OR10H1: variants seen among roughly 807,000 people sequenced by gnomAD.
OR10H1 encodes the protein olfactory receptor family 10 subfamily H member 1.
A neutral mutation model predicts 13.1 loss-of-function variants in OR10H1; 12 were observed. That is an observed-to-expected ratio of 0.92 (90% CI 0.59 to 1.48). The LOEUF is 1.48. Ranked by LOEUF, OR10H1 falls within the 40% of genes most tolerant of loss-of-function variation. The probability of loss-of-function intolerance (pLI) is 0.00; values close to 1 mark genes in which losing one functional copy is unlikely to be tolerated. For missense variants in OR10H1, 363 were observed against 413.1 expected, an observed-to-expected ratio of 0.88 and a Z score of 1.05; for synonymous variants, 168 against 175.6, an observed-to-expected ratio of 0.96 and a Z score of 0.34.
chr19:15,812,253 G>A lies in OR10H1; in HGVS notation c.-152C>T, dbSNP rs977491855. The A allele has an allele frequency of 6.6e-6, 1 of 152,086 alleles. No homozygotes were observed. Among genetic ancestry groups the A allele is most frequent in the Non-Finnish European group, 1.5e-5 (1 of 68,112 alleles). The allele number at this position is 152,086 out of a possible 1,614,324, so 9.4% of individuals were successfully genotyped here. On this transcript the variant is annotated 5_prime_UTR_variant, in exon 2 of 4. Transcript: ENST00000641419. ...ACCAGTTGCTGGTGGCTGTTTCAAA[G>A]GCCACTAGGAGATGCTGCTTCCCCA...
In OR10H1 at chr19:15,807,045, C is replaced by T. The variant is rs376068375; in HGVS notation, c.*36G>A. On this transcript the variant is annotated 3_prime_UTR_variant, in exon 4 of 4. Transcript: ENST00000641419. ...GAACGTAATTTTTAACAATAGCCTTCGGTAATCCAATTTAGTTGTTCCCAG... is the reference window on the plus strand; with the variant it reads ...GAACGTAATTTTTAACAATAGCCTTTGGTAATCCAATTTAGTTGTTCCCAG... 206 of 1,571,474 alleles carry T rather than the reference C, an allele frequency of 1.3e-4. 1 individual carries two copies. Among genetic ancestry groups the T allele is most frequent in the Non-Finnish European group, 1.7e-4 (190 of 1,150,096 alleles).
intron 1 of OR10H1, among the ~76,000 whole-genome samples, chr19:15,814,466 TGTGTGTGTGTGTGTGAGAGAGAGAGAGA>T (rs1184734093): frequency 9.8e-5 from 9 of 92,052 alleles, no homozygotes; most frequent in African/African-American, 3.2e-4. Flanking sequence ...TGTGTGTGTG[TGTGTGTGTGTGTGTGAGAGAGAGAGAGA>T]GAGAGAGAGA....
Position 15,807,751 on chromosome 19 carries a change from G to A in OR10H1, c.287C>T (p.Ala96Val), listed in dbSNP as rs2088909499. The A allele has an allele frequency of 1.9e-6, 3 of 1,611,560 alleles. No homozygotes were observed. The East Asian group carries it at 6.7e-5, about 36-fold the overall frequency. Residue 96 changes from alanine (A) to valine (V), a missense_variant, in exon 4 of 4, where the codon GCC (alanine) becomes GTC (valine). Ala to Val is a moderately conservative substitution (Grantham distance 64, BLOSUM62 0). Around this residue, in one of 3 missense-constraint regions of OR10H1, gnomAD observed 318 missense variants for 366.6 expected, o/e 0.87. Coordinates refer to ENST00000641419, the MANE Select transcript of OR10H1 (RefSeq NM_013940.4). The stretch of plus-strand genomic sequence containing the variant: ...GGAGAAGAACATCTGACTGGCACAG[G>A]CCAGGAAGGCGATGGAGCGCTGGGT... ...LSTQRSIAFLACASQMFFSFS... is the reference protein window; with the variant it reads ...LSTQRSIAFLVCASQMFFSFS...
chr19:15,804,895 C>A lies in OR10H1; in HGVS notation c.*2186G>T, dbSNP rs2144937685. On this transcript the variant is annotated 3_prime_UTR_variant, in exon 4 of 4. Transcript: ENST00000641419. Reference sequence around the variant, plus strand: ...CTCTCCAGCACCTGTTGTTTCCTGACTTTTTAGTGATTGCCATTCTAACTG... The same window carrying A: ...CTCTCCAGCACCTGTTGTTTCCTGAATTTTTAGTGATTGCCATTCTAACTG... 1 of 152,302 alleles carries A rather than the reference C, an allele frequency of 6.6e-6. No individual in the cohort carries two copies. Among genetic ancestry groups the A allele is most frequent in the East Asian group, 1.9e-4 (1 of 5,186 alleles). The allele number at this position is 152,302 out of a possible 1,614,324, so 9.4% of individuals were successfully genotyped here.
At position 15,807,608 on chromosome 19, in the gene OR10H1, G is replaced by C. The variant is rs1235227209; in HGVS notation, c.430C>G (p.Leu144Val). The C allele has an allele frequency of 6.2e-7, 1 of 1,614,220 alleles. No individual in the cohort carries two copies. The highest frequency in any genetic ancestry group is 1.7e-5 in the Admixed American group (1 of 60,024). The change falls in exon 4 of 4, where the codon CTG becomes GTG. Residue 144 changes from leucine to valine, a missense_variant. Coordinates refer to ENST00000641419, the MANE Select transcript of OR10H1 (RefSeq NM_013940.4). ...CCACCAGCCCAGGAGCAGCCCACCAGGCAGGCGCAGCCCCGCGGGCTCATG... is the reference window on the plus strand; with the variant it reads ...CCACCAGCCCAGGAGCAGCCCACCACGCAGGCGCAGCCCCGCGGGCTCATG... Reference protein sequence around the residue: ...VLMSPRGCACLVGCSWAGGLV... With the variant: ...VLMSPRGCACVVGCSWAGGLV...
intron 1 of OR10H1, among the ~76,000 whole-genome samples, chr19:15,814,480 T>TGAGAGAGA (rs58307648): frequency 5.9e-5 from 4 of 67,966 alleles, no homozygotes; most frequent in East Asian, 5.6e-4. Context: ...TGTGTGTGTG[T>TGAGAGAGA]GAGAGAGAGA....
At chr19:15,809,781 CTATG>C (rs1173625714) in intron 2 of OR10H1, among the ~76,000 whole-genome samples, 2 of 151,772 alleles carry the variant, frequency 1.3e-5, no homozygotes, top group Non-Finnish European at 2.9e-5. Context: ...CATGAGATTT[CTATG>C]TGTCTTTATG....
Position 15,807,473 on chromosome 19 carries a change from A to G in OR10H1, c.565T>C (p.Cys189Arg). 6.2e-7 allele frequency: 1 copy of G among 1,614,238 alleles called. No homozygotes were observed. Among genetic ancestry groups the G allele is most frequent in the Non-Finnish European group, 8.5e-7 (1 of 1,180,042 alleles). Residue 189 changes from cysteine (C) to arginine (R), a missense_variant, in exon 4 of 4, where the codon TGT becomes CGT. Physicochemically the swap from Cys to Arg is radical, Grantham distance 180. This residue lies in a region of OR10H1 where 318 missense variants were observed against 366.6 expected (regional missense o/e 0.87). Transcript: ENST00000641419. ...CHVPPLLKLACGDDVLVVAKG... is the reference protein window; with the variant it reads ...CHVPPLLKLARGDDVLVVAKG... ...GCCACCACCAGCACATCGTCTCCAC[A>G]GGCCAACTTCAACAGAGGTGGCACA...
chr19:15,810,499 G>T lies in OR10H1; in HGVS notation c.-128-1658C>A, dbSNP rs2088927246. On this transcript the variant is annotated intron_variant, in intron 2 of 3. Coordinates refer to ENST00000641419, the MANE Select transcript of OR10H1 (RefSeq NM_013940.4). ...TTAAAACACCACAGCATGCGTCTGA[G>T]CTTTATTCCTGTTTATGGCTGAACG... 4.6e-5 allele frequency among the ~76,000 whole-genome samples: 7 copies of T among 151,994 alleles called. No homozygotes were observed. The South Asian group carries it at 1.5e-3, about 32-fold the overall frequency.
chr19:15,808,008 G>T lies in OR10H1; in HGVS notation c.30C>A (p.Thr10=), dbSNP rs773815107. 6.2e-7 allele frequency: 1 copy of T among 1,613,988 alleles called. No individual in the cohort carries two copies. The highest frequency in any genetic ancestry group is 1.3e-5 in the African/African-American group (1 of 75,038). The change falls in exon 4 of 4, where the codon ACC becomes ACA. Residue 10 remains threonine, a synonymous_variant. Coordinates refer to ENST00000641419, the MANE Select transcript of OR10H1 (RefSeq NM_013940.4). ...CAGAGAAGCCGACGAGGATGAATTG[G>T]GTCACTGTGGAGTGATTGGCTCTCT... MQRANHSTV[T]QFILVGFSVF...
chr19:15,807,152 T>C lies in OR10H1; in HGVS notation c.886A>G (p.Lys296Glu). Reference protein sequence around the residue: ...LSPIIFSLRNKELKVAMKKTF... With the variant: ...LSPIIFSLRNEELKVAMKKTF... ...TTCTTCATGGCGACCTTCAGCTCCT[T>C]GTTCCTGAGGCTGAAGATGATGGGG... Residue 296 changes from lysine (K) to glutamate (E), a missense_variant, in exon 4 of 4, where the codon AAG (lysine) becomes GAG (glutamate). By Grantham distance (56) the Lys-to-Glu change is moderately conservative. Transcript: ENST00000641419. 1.2e-6 allele frequency: 2 copies of C among 1,614,172 alleles called. No individual in the cohort carries two copies. Among genetic ancestry groups the C allele is most frequent in the Non-Finnish European group, 1.7e-6 (2 of 1,180,030 alleles).
intron 2 of OR10H1, among the ~76,000 whole-genome samples, chr19:15,809,797 A>G (rs998699275): frequency 6.7e-6 from 1 of 149,904 alleles, no homozygotes; most frequent in Non-Finnish European, 1.5e-5. Flanking sequence ...GTCTTTATGA[A>G]ACAATTAAAT....
intron 1 of OR10H1, among the ~76,000 whole-genome samples, chr19:15,814,634 T>C (rs1439423381): frequency 7.2e-6 from 1 of 139,468 alleles, no homozygotes; most frequent in Non-Finnish European, 1.6e-5. Context: ...CACCTCAATC[T>C]CTGGAGTAGC....
At position 15,807,997 on chromosome 19, in the gene OR10H1, A is replaced by C; in HGVS notation, c.41T>G (p.Leu14Arg). 2 of 1,614,130 alleles carry C rather than the reference A, an allele frequency of 1.2e-6. No individual in the cohort carries two copies. Among genetic ancestry groups the C allele is most frequent in the Non-Finnish European group, 1.7e-6 (2 of 1,180,010 alleles). Residue 14 changes from leucine to arginine, a missense_variant, in exon 4 of 4, where the codon CTC becomes CGC. Leu to Arg is a moderately radical substitution (Grantham distance 102, BLOSUM62 -2). Around this residue, in one of 3 missense-constraint regions of OR10H1, gnomAD observed 318 missense variants for 366.6 expected, o/e 0.87. Transcript: ENST00000641419. ...GTGGGGGAAGACAGAGAAGCCGACGAGGATGAATTGGGTCACTGTGGAGTG... is the reference window on the plus strand; with the variant it reads ...GTGGGGGAAGACAGAGAAGCCGACGCGGATGAATTGGGTCACTGTGGAGTG... ...ANHSTVTQFI[L>R]VGFSVFPHLQ...
At chr19:15,808,132 G>C in intron 3 of OR10H1, 84 bp from the exon 4 acceptor site, 1 of 1,109,806 alleles carries the variant, frequency 9.0e-7, no homozygotes, top group East Asian at 2.4e-5. Context: ...TTGCCCAAGG[G>C]ACTGCTCTTG....
intron 1 of OR10H1, among the ~76,000 whole-genome samples, chr19:15,813,474 AAGAGAGAGAGAGAG>A (rs57320070): frequency 7.2e-6 from 1 of 138,864 alleles, no homozygotes; most frequent in South Asian, 2.4e-4. Context: ...GAGGCAGGGG[AAGAGAGAGAGAGAG>A]AGAGAGAGAG....
rs2088891061 is a variant in OR10H1, at chr19:15,805,468, G to A, written c.*1613C>T. 9.3e-6 allele frequency: 1 copy of A among 107,302 alleles called. No homozygotes were observed. The allele number at this position is 107,302 out of a possible 1,614,324, so 6.6% of individuals were successfully genotyped here. On this transcript the variant is annotated 3_prime_UTR_variant, in exon 4 of 4. Coordinates refer to ENST00000641419, the MANE Select transcript of OR10H1 (RefSeq NM_013940.4). The stretch of plus-strand genomic sequence containing the variant: ...TTTTTTTTTTTTTTTTTTTTTTTGA[G>A]ATGGAGTCTCAGTCTGTCACCCAGG...
In OR10H1 at chr19:15,808,068, G is replaced by C. The variant is rs923806795; in HGVS notation, c.-11-20C>G. ...CTGTGCCTGGGGTGAGATGTGACAG[G>C]GAGATGTCAGTTACTGCATGAAGAA... is the stretch of plus-strand genomic sequence containing the variant. On this transcript the variant is annotated intron_variant, in intron 3 of 3. Coordinates refer to ENST00000641419, the MANE Select transcript of OR10H1 (RefSeq NM_013940.4). 1 of 1,570,732 alleles carries C rather than the reference G, an allele frequency of 6.4e-7. No individual in the cohort carries two copies. Among genetic ancestry groups the C allele is most frequent in the African/African-American group, 1.3e-5 (1 of 74,308 alleles).
Position 15,812,675 on chromosome 19 carries a change from GGAAGGAGAGTGAGGGAGGAAA to G in OR10H1, c.-595_-575del, listed in dbSNP as rs2088940643. 8 of 149,800 alleles carry G rather than the reference GGAAGGAGAGTGAGGGAGGAAA, an allele frequency of 5.3e-5. No individual in the cohort carries two copies. The South Asian group carries it at 1.7e-3, about 32-fold the overall frequency. 9.3% of individuals were successfully genotyped at this position (149,800 alleles called of 1,614,324 possible). On this transcript the variant is annotated 5_prime_UTR_variant, in exon 2 of 4. Coordinates refer to ENST00000641419, the MANE Select transcript of OR10H1 (RefSeq NM_013940.4). ...AGGGAGGGAGGGAGGCAGGAAGGAA[GGAAGGAGAGTGAGGGAGGAAA>G]GAAGGAGAGTGAGATAGGAAGAAAC...
Sources: gnomAD v4.1 joint callset for allele counts (sites outside exome capture counted in the v4.1 genomes callset) on GRCh38, gnomAD v4.1.1 for gene constraint, gnomAD v4.1.1 regional missense constraint, MANE v1.5 for transcripts, NCBI Gene and HGNC (gene_info 2026-07-23, HGNC 2026-07-21) for gene names.